Variants in SEPTIN2 observed in about 807,000 individuals in gnomAD.
The protein encoded by SEPTIN2 is septin-2.
Under a neutral mutation model 46.5 loss-of-function variants are expected in SEPTIN2, and 34 were observed. The observed-to-expected ratio is 0.73, with a 90% CI of 0.56 to 0.97. The LOEUF is 0.97. Ranked by LOEUF, SEPTIN2 falls within the 50% of genes least tolerant of loss-of-function variation. SEPTIN2 has a pLI of 0.00. For missense variants in SEPTIN2, 347 were observed against 448.4 expected (o/e 0.77, Z 2.04); for synonymous variants, 175 against 153.4 (o/e 1.14, Z -1.04).
At position 241,337,381 on chromosome 2, in the gene SEPTIN2, GT is replaced by G. The variant is rs2080210328; in HGVS notation, c.345del (p.Phe115LeufsTer22). The G allele has an allele frequency of 6.2e-7, 1 of 1,611,976 alleles. No individual in the cohort carries two copies. Among genetic ancestry groups the G allele is most frequent in the African/African-American group, 1.3e-5 (1 of 74,828 alleles). ...ATTGTTAATGTTTCTGTTTCTCTCA[GT>G]TTTAAGACAATTATCTCCTATATTG... Reference protein sequence around the residue: ...GYGDAINCRDCFKTIISYIDE... With the variant: ...GYGDAINCRDXFKTIISYIDE... On this transcript the variant is annotated frameshift_variant and splice_region_variant, in exon 6 of 13. Transcript: ENST00000391971. LOFTEE classifies it high-confidence loss of function.
intron 2 of SEPTIN2, chr2:241,324,527 G>A: frequency 2.2e-6 from 1 of 445,060 alleles, no homozygotes; most frequent in Non-Finnish European, 4.2e-6. Flanking sequence ...AGCTGGGACT[G>A]CAGACACGTG....
Position 241,343,542 on chromosome 2 carries a change from A to C in SEPTIN2, c.697-210A>C, listed in dbSNP as rs12619369. Among the ~76,000 whole-genome samples the C allele has an allele frequency of 1.6e-3, 245 of 152,232 alleles. 1 individual carries two copies. Among genetic ancestry groups the C allele is most frequent in the African/African-American group, 5.5e-3 (227 of 41,552 alleles). ...TACAGCTATCACCTAAAGCTTAGAAATTTTATTGTAGGTTTAATTTGTTTT... is the reference window on the plus strand; with the variant it reads ...TACAGCTATCACCTAAAGCTTAGAACTTTTATTGTAGGTTTAATTTGTTTT... On this transcript the variant is annotated intron_variant, in intron 8 of 12. Transcript: ENST00000391971.
chr2:241,350,771 C>T (rs2060717341), intron 12 of SEPTIN2, among the ~76,000 whole-genome samples: 1 of 151,920 alleles, frequency 6.6e-6, no homozygotes, highest in Non-Finnish European at 1.5e-5. Context: ...GGTCTGCCTG[C>T]TTGAAAAGAA....
At chr2:241,316,382 G>A (rs2076247842) in intron 1 of SEPTIN2, 2 of 904,154 alleles carry the variant, frequency 2.2e-6, no homozygotes, top group East Asian at 3.0e-5. Context: ...GAGCTTGTGT[G>A]GCCATCTTGT....
intron 3 of SEPTIN2, among the ~76,000 whole-genome samples, chr2:241,328,342 G>A (rs1323695891): frequency 1.3e-5 from 2 of 152,088 alleles, no homozygotes; most frequent in African/African-American, 4.8e-5. Flanking sequence ...GAGGCCAGGA[G>A]TATCACTTGA....
chr2:241,336,292 A>G (rs879652639), intron 5 of SEPTIN2, 194 bp downstream of exon 5: 14 of 601,420 alleles, frequency 2.3e-5, no homozygotes, highest in Non-Finnish European at 3.7e-5. Context: ...CTGGTACTCT[A>G]CTGTAATTTG....
chr2:241,344,013 C>T (rs561247426), intron 9 of SEPTIN2, 116 bp downstream of exon 9: 7 of 1,238,550 alleles, frequency 5.7e-6, no homozygotes, highest in African/African-American at 3.0e-5. Context: ...TTGCCGCCCT[C>T]AGTGTTTCTC....
chr2:241,348,644 CTACTT>C (rs2150207201), intron 11 of SEPTIN2, among the ~76,000 whole-genome samples: 1 of 152,006 alleles, frequency 6.6e-6, no homozygotes, highest in African/African-American at 2.4e-5. Flanking sequence ...ATACATATAA[CTACTT>C]TATTACTATA....
At chr2:241,332,781 A>T (rs1244452874) in intron 3 of SEPTIN2, among the ~76,000 whole-genome samples, 1 of 152,254 alleles carries the variant, frequency 6.6e-6, no homozygotes, top group East Asian at 1.9e-4. Flanking sequence ...GAATATTGCC[A>T]AGCACTACAA....
In SEPTIN2 at chr2:241,350,060, T is replaced by C; in HGVS notation, c.985-13T>C. On this transcript the variant is annotated splice_polypyrimidine_tract_variant and intron_variant, in intron 11 of 12. Transcript: ENST00000391971. The stretch of plus-strand genomic sequence containing the variant: ...AAACCTTGAAAACCTATAATGTGTG[T>C]GTGTGTTCACAGCTCCGCCGCATGC... 1 of 1,612,380 alleles carries C rather than the reference T, an allele frequency of 6.2e-7. No homozygotes were observed. Among genetic ancestry groups the C allele is most frequent in the Non-Finnish European group, 8.5e-7 (1 of 1,178,830 alleles).
chr2:241,335,072 TTGAA>T (rs1236376860), intron 3 of SEPTIN2, 50 bp from the exon 4 acceptor site: 4 of 1,264,920 alleles, frequency 3.2e-6, no homozygotes, highest in South Asian at 1.2e-5. Context: ...ACTTAACCGA[TTGAA>T]TGGTGTCATA....
intron 3 of SEPTIN2, among the ~76,000 whole-genome samples, chr2:241,333,107 G>A (rs536264066): frequency 4.6e-5 from 7 of 152,244 alleles, no homozygotes; most frequent in East Asian, 1.9e-4. Context: ...TTTGTAAATC[G>A]TGCCTCAAAG....
chr2:241,329,929 C>G (rs2078707610), intron 3 of SEPTIN2, among the ~76,000 whole-genome samples: 2 of 152,226 alleles, frequency 1.3e-5, no homozygotes, highest in African/African-American at 4.8e-5. Context: ...AATATTTAGG[C>G]TGAATTGTGC....
At chr2:241,335,069 C>G in intron 3 of SEPTIN2, 57 bp from the exon 4 acceptor site, 2 of 1,233,606 alleles carry the variant, frequency 1.6e-6, no homozygotes, top group Admixed American at 3.6e-5. Flanking sequence ...AACACTTAAC[C>G]GATTGAATGG....
chr2:241,343,986 T>TG, intron 9 of SEPTIN2, 89 bp downstream of exon 9: 1 of 1,476,886 alleles, frequency 6.8e-7, no homozygotes, highest in Non-Finnish European at 9.3e-7. Flanking sequence ...CCAAGATAGT[T>TG]GCAGCCAGCA....
intron 2 of SEPTIN2, among the ~76,000 whole-genome samples, chr2:241,325,700 A>C (rs756896355): frequency 2.1e-4 from 32 of 152,200 alleles, no homozygotes; most frequent in Admixed American, 5.9e-4. Context: ...AGATGTATTA[A>C]GCATGTATCT....
intron 7 of SEPTIN2, among the ~76,000 whole-genome samples, chr2:241,338,838 A>ATAATATATATT (rs1559643511): frequency 6.6e-5 from 1 of 15,186 alleles, no homozygotes; most frequent in South Asian, 1.4e-3. Flanking sequence ...TAATATATAT[A>ATAATATATATT]ATAAATATAT....
intron 7 of SEPTIN2, among the ~76,000 whole-genome samples, chr2:241,338,672 AT>A (rs1219317181): frequency 7.9e-6 from 1 of 126,180 alleles, no homozygotes; most frequent in Non-Finnish European, 1.6e-5. Flanking sequence ...TATCTATATT[AT>A]TTATATTACA....
chr2:241,346,336 G>C, intron 10 of SEPTIN2, 87 bp downstream of exon 10: 1 of 956,916 alleles, frequency 1.0e-6, no homozygotes, highest in South Asian at 1.8e-5. Context: ...CAGCCTTCTT[G>C]ACCATTAAGC....
Sources: gnomAD v4.1 joint callset for allele counts (sites outside exome capture counted in the v4.1 genomes callset) on GRCh38, gnomAD v4.1.1 for gene constraint, MANE v1.5 for transcripts, NCBI Gene and HGNC (gene_info 2026-07-23, HGNC 2026-07-21) for gene names.